ADGRL2: variants seen among roughly 807,000 people sequenced by gnomAD.
ADGRL2 encodes calcium-independent alpha-latrotoxin receptor 2.
Under a neutral mutation model 157.4 loss-of-function variants are expected in ADGRL2, and 44 were observed. That is an observed-to-expected ratio of 0.28 (90% confidence interval 0.22 to 0.36). The LOEUF is 0.36. Ranked by LOEUF, ADGRL2 falls within the 10% of genes least tolerant of loss-of-function variation. ADGRL2 has a pLI of 1.00. For missense variants in ADGRL2, 1,510 were observed against 1,768.9 expected, an observed-to-expected ratio of 0.85 and a Z score of 2.63; for synonymous variants, 585 against 624.7, an observed-to-expected ratio of 0.94 and a Z score of 0.95.
At chr1:81,337,541 C>G (rs985234390) in intron 1 of ADGRL2, among the ~76,000 whole-genome samples, 1 of 152,210 alleles carries the variant, frequency 6.6e-6, no homozygotes, top group Admixed American at 6.5e-5. Context: ...TGTTTCAATT[C>G]TAGCATTATG....
chr1:81,927,794 A>G (rs565507576), intron 3 of ADGRL2, among the ~76,000 whole-genome samples: 2 of 152,098 alleles, frequency 1.3e-5, no homozygotes, highest in East Asian at 1.9e-4. Flanking sequence ...TTAGCTTCCT[A>G]ATGTTATGTT....
rs190263369 is a variant in ADGRL2, at chr1:81,659,982, C to T, written c.-143+79002C>T. ...ATACACAAATATTTTCAGAATCTAT[C>T]GCCCCCCAAATGCCAAATTTGATCA... On this transcript the variant is annotated intron_variant, in intron 3 of 24. Coordinates refer to the ADGRL2 transcript ENST00000370721. Among the ~76,000 whole-genome samples, 357 of 152,234 alleles carry T rather than the reference C, an allele frequency of 2.3e-3. 1 individual carries two copies. Among genetic ancestry groups the T allele is most frequent in the African/African-American group, 8.1e-3 (335 of 41,530 alleles).
At chr1:81,431,670 G>A (rs928711406) in intron 1 of ADGRL2, among the ~76,000 whole-genome samples, 3 of 152,192 alleles carry the variant, frequency 2.0e-5, no homozygotes, top group African/African-American at 7.2e-5. Flanking sequence ...GGATTGAAAT[G>A]GGGATGGGAA....
At position 81,417,206 on chromosome 1, in the gene ADGRL2, G is replaced by A. The variant is rs559864379; in HGVS notation, c.-301-27830G>A. On this transcript the variant is annotated intron_variant, in intron 1 of 24. Transcript: ENST00000370721. ...TATACAATTCTTTATCCCTTTAAAT[G>A]GAGTAGAAATAAATGAAGAATGCTA... 9.2e-5 allele frequency among the ~76,000 whole-genome samples: 14 copies of A among 152,070 alleles called. 1 individual carries two copies. In the South Asian group the frequency reaches 2.9e-3, roughly 32 times the overall value.
At chr1:81,653,932 T>G (rs556659000) in intron 3 of ADGRL2, among the ~76,000 whole-genome samples, 3 of 152,166 alleles carry the variant, frequency 2.0e-5, no homozygotes, top group Non-Finnish European at 4.4e-5. Flanking sequence ...GCTTCTTTCT[T>G]TCTTTCTTTC....
intron 2 of ADGRL2, chr1:81,502,408 G>A: frequency 1.2e-6 from 2 of 1,614,124 alleles, no homozygotes; most frequent in East Asian, 2.2e-5. Context: ...TTGCCAAGCT[G>A]TATGAACTGG....
chr1:81,536,212 T>C (rs2079733510), intron 2 of ADGRL2, among the ~76,000 whole-genome samples: 1 of 152,208 alleles, frequency 6.6e-6, no homozygotes, highest in South Asian at 2.1e-4. Flanking sequence ...GCAGTATATA[T>C]TTGAGTAAAA....
chr1:81,934,297 G>T (rs1054747878), intron 3 of ADGRL2, among the ~76,000 whole-genome samples: 1 of 152,020 alleles, frequency 6.6e-6, no homozygotes, highest in African/African-American at 2.4e-5. Context: ...TTATTATGGT[G>T]TTGGTCCTCT....
chr1:81,883,086 A>G (rs1044972495), intron 2 of ADGRL2, among the ~76,000 whole-genome samples: 1 of 152,172 alleles, frequency 6.6e-6, no homozygotes, highest in Non-Finnish European at 1.5e-5. Flanking sequence ...GGTTTGTGAA[A>G]CCCAGGCATA....
chr1:81,575,369 G>T (rs1368066012), intron 2 of ADGRL2, among the ~76,000 whole-genome samples: 2 of 152,070 alleles, frequency 1.3e-5, no homozygotes, highest in East Asian at 3.9e-4. Context: ...AAAAGCAGTA[G>T]TTTTTACTAT....
intron 2 of ADGRL2, among the ~76,000 whole-genome samples, chr1:81,549,330 T>A (rs1460826735): frequency 6.6e-6 from 1 of 152,140 alleles, no homozygotes; most frequent in African/African-American, 2.4e-5. Flanking sequence ...AAAGGAAGAA[T>A]GCTCGAATAA....
At chr1:81,810,498 A>G (rs1278376324) in intron 1 of ADGRL2, among the ~76,000 whole-genome samples, 1 of 151,862 alleles carries the variant, frequency 6.6e-6, no homozygotes, top group Non-Finnish European at 1.5e-5. Context: ...TTGATTAGAA[A>G]TTACAGAACA....
chr1:81,510,751 C>T (rs888417476), intron 2 of ADGRL2, among the ~76,000 whole-genome samples: 4 of 152,060 alleles, frequency 2.6e-5, no homozygotes, highest in South Asian at 2.1e-4. Flanking sequence ...AAAAAGACTG[C>T]GGTGTATTTC....
intron 3 of ADGRL2, among the ~76,000 whole-genome samples, chr1:81,689,704 T>C (rs766803320): frequency 1.3e-5 from 2 of 152,182 alleles, no homozygotes; most frequent in Admixed American, 6.5e-5. Context: ...AATGCAGCGA[T>C]GGAACTTTAG....
intron 1 of ADGRL2, among the ~76,000 whole-genome samples, chr1:81,309,010 C>G (rs1428918513): frequency 6.6e-6 from 1 of 152,074 alleles, no homozygotes; most frequent in Non-Finnish European, 1.5e-5. Flanking sequence ...TTTGCTGCTG[C>G]TTTTACTGAG....
At chr1:81,875,187 A>T (rs1383212102) in intron 2 of ADGRL2, among the ~76,000 whole-genome samples, 1 of 152,140 alleles carries the variant, frequency 6.6e-6, no homozygotes, top group East Asian at 1.9e-4. Flanking sequence ...TGGGTCGTTT[A>T]TAAGTAGCTG....
chr1:81,967,802 G>A (rs970599891), intron 13 of ADGRL2, among the ~76,000 whole-genome samples: 2 of 152,124 alleles, frequency 1.3e-5, no homozygotes, highest in African/African-American at 4.8e-5. Flanking sequence ...TGTAAAATGG[G>A]TCTTGGTAAT....
At chr1:81,744,206 C>T (rs58543592) in intron 1 of ADGRL2, among the ~76,000 whole-genome samples, 2,934 of 152,208 alleles carry the variant, frequency 0.019, 41 homozygotes, top group South Asian at 0.052. Flanking sequence ...TTAAGACATG[C>T]TCACAATTTC....
intron 2 of ADGRL2, among the ~76,000 whole-genome samples, chr1:81,782,413 A>AT (rs1330847043): frequency 6.6e-6 from 1 of 152,202 alleles, no homozygotes; most frequent in Non-Finnish European, 1.5e-5. Flanking sequence ...GCCAGAATTC[A>AT]TTTTTTGGTC....
Sources: gnomAD v4.1 joint callset for allele counts (sites outside exome capture counted in the v4.1 genomes callset) on GRCh38, gnomAD v4.1.1 for gene constraint, MANE v1.5 for transcripts, NCBI Gene and HGNC (gene_info 2026-07-23, HGNC 2026-07-21) for gene names.